The following OR4S2 variants were observed in gnomAD, a reference collection of about 807,000 sequenced individuals.
The protein encoded by OR4S2 is olfactory receptor family 4 subfamily S member 2.
Under a neutral mutation model 15.1 loss-of-function variants are expected in OR4S2, and 16 were observed. The observed-to-expected ratio is 1.06, with a 90% CI of 0.72 to 1.61. OR4S2 has a LOEUF of 1.61. OR4S2 is among the 40% of genes most tolerant of loss of function. OR4S2 has a pLI of 0.00. For synonymous variants in OR4S2, 133 were observed against 136.3 expected (o/e 0.98, Z 0.17); for missense variants, 362 against 379.6 (o/e 0.95, Z 0.38).
In OR4S2 at chr11:55,650,473, A is replaced by G. The variant is rs943853239; in HGVS notation, c.-36-395A>G. On this transcript the variant is annotated intron_variant, in intron 1 of 1. Coordinates refer to ENST00000641692, the MANE Select transcript of OR4S2 (RefSeq NM_001004059.3). ...CTTATGGGTCAAAAATAAAGCAATC[A>G]TTTCCAGATATTTGCCAGTAGATAA... Among the ~76,000 whole-genome samples, 21 of 139,200 alleles carry G rather than the reference A, an allele frequency of 1.5e-4. 3 individuals carry two copies. Among genetic ancestry groups the G allele is most frequent in the Admixed American group, 1.4e-3 (18 of 12,800 alleles). The allele number at this position is 139,200 out of a possible 152,430, so 91.3% of individuals were successfully genotyped here. A position where few individuals can be genotyped will look rare whatever the true frequency, so the allele number is the denominator to read the frequency against.
At position 55,651,093 on chromosome 11, in the gene OR4S2, T is replaced by C; in HGVS notation, c.190T>C (p.Leu64=). The C allele has an allele frequency of 6.7e-7, 1 of 1,484,246 alleles. No homozygotes were observed. The highest frequency in any genetic ancestry group is 9.2e-7 in the Non-Finnish European group (1 of 1,089,466). 91.9% of individuals were successfully genotyped at this position (1,484,246 alleles called of 1,614,324 possible). A position where few individuals can be genotyped will look rare whatever the true frequency, so the allele number is the denominator to read the frequency against. ...ACCCATGTATTTCTTTCTCAGCTTC[T>C]TGTCTTTTGTGGACATTTGTTACTC... The part of the protein sequence containing the change: ...KSPMYFFLSF[L]SFVDICYSSV... The change falls in exon 2 of 2, where the codon TTG becomes CTG. Residue 64 remains leucine (L), a synonymous_variant. Coordinates refer to ENST00000641692, the MANE Select transcript of OR4S2 (RefSeq NM_001004059.3).
rs192201024 is a variant in OR4S2 at position 55,651,977 on chromosome 11, A to G, written c.*138A>G. On this transcript the variant is annotated 3_prime_UTR_variant, in exon 2 of 2. Coordinates refer to ENST00000641692, the MANE Select transcript of OR4S2 (RefSeq NM_001004059.3). Reference sequence around the variant, plus strand: ...AATAACACATTCAAAAGAGTAAGGTATTATTTTTCATTATTATAGCATTTT... The same window carrying G: ...AATAACACATTCAAAAGAGTAAGGTGTTATTTTTCATTATTATAGCATTTT... The G allele has an allele frequency of 1.5e-4, 66 of 428,250 alleles. 16 individuals are homozygous for G. In the Admixed American group the frequency reaches 2.4e-3, roughly 16 times the overall value. 26.5% of individuals were successfully genotyped at this position (428,250 alleles called of 1,614,324 possible).
chr11:55,651,811 A>T lies in OR4S2; in HGVS notation c.908A>T (p.Asn303Ile), dbSNP rs758122964. The part of the protein sequence containing the change: ...KNAMKKLWGR[N>I]VFLEAKGK Reference sequence around the variant, plus strand: ...GCAATGAAGAAACTGTGGGGCAGAAATGTTTTCTTGGAGGCTAAAGGGAAA... The same window carrying T: ...GCAATGAAGAAACTGTGGGGCAGAATTGTTTTCTTGGAGGCTAAAGGGAAA... Residue 303 changes from asparagine to isoleucine, a missense_variant, in exon 2 of 2, where the codon AAT becomes ATT. Transcript: ENST00000641692. 8.3e-6 allele frequency: 12 copies of T among 1,439,370 alleles called. 5 individuals carry two copies. The Admixed American group carries it at 8.4e-5, about 10-fold the overall frequency. 89.2% of individuals were successfully genotyped at this position (1,439,370 alleles called of 1,614,324 possible). A position where few individuals can be genotyped will look rare whatever the true frequency, so the allele number is the denominator to read the frequency against.
In OR4S2 at chr11:55,651,345, G is replaced by A. The variant is rs1216280758; in HGVS notation, c.442G>A (p.Val148Ile). The change falls in exon 2 of 2, where the codon GTA becomes ATA. Residue 148 changes from valine to isoleucine, a missense_variant. By Grantham distance (29) the Val-to-Ile change is conservative (BLOSUM62 3). Transcript: ENST00000641692. The part of the protein sequence containing the change: ...TCNKMLLGTW[V>I]GGFLHSIIQV... The stretch of plus-strand genomic sequence containing the variant: ...CAATAAAATGTTATTAGGGACGTGG[G>A]TAGGTGGGTTCTTACACTCCATTAT... 8.1e-6 allele frequency: 12 copies of A among 1,482,626 alleles called. 2 individuals are homozygous for A. Among genetic ancestry groups the A allele is most frequent in the Non-Finnish European group, 9.2e-6 (10 of 1,088,182 alleles). 91.8% of individuals were successfully genotyped at this position (1,482,626 alleles called of 1,614,324 possible). A position where few individuals can be genotyped will look rare whatever the true frequency, so the allele number is the denominator to read the frequency against.
In OR4S2 at chr11:55,649,096, T is replaced by C. The variant is rs1386042983; in HGVS notation, c.-37+546T>C. 1.4e-5 allele frequency among the ~76,000 whole-genome samples: 2 copies of C among 138,150 alleles called. 1 individual carries two copies. The highest frequency in any genetic ancestry group is 4.8e-4 in the East Asian group (2 of 4,208). The allele number at this position is 138,150 out of a possible 152,430, so 90.6% of individuals were successfully genotyped here. On this transcript the variant is annotated intron_variant, in intron 1 of 1. Coordinates refer to ENST00000641692, the MANE Select transcript of OR4S2 (RefSeq NM_001004059.3). ...TTGTGTGCAAAAGCCCAGTTTCTTC[T>C]AGATGAGAGCAAAGCAACATAAATA...
In OR4S2 at chr11:55,648,823, A is replaced by G. The variant is rs1858529565; in HGVS notation, c.-37+273A>G. Among the ~76,000 whole-genome samples the G allele has an allele frequency of 1.5e-5, 2 of 137,580 alleles. 1 individual carries two copies. Among genetic ancestry groups the G allele is most frequent in the Admixed American group, 1.6e-4 (2 of 12,530 alleles). 90.3% of individuals were successfully genotyped at this position (137,580 alleles called of 152,430 possible). ...ACATGCCCAGATAAAGGAGGAAGGC[A>G]TCCTTGTGATGGATATTGGCTTAAG... On this transcript the variant is annotated intron_variant, in intron 1 of 1. Transcript: ENST00000641692.
At position 55,651,736 on chromosome 11, in the gene OR4S2, C is replaced by A; in HGVS notation, c.833C>A (p.Pro278His). ...MVAVFYTIIT[P>H]MLNPLIYTLR... is the part of the protein sequence containing the mutation. ...GCTGTATTTTACACCATTATCACTCCCATGTTAAATCCTCTGATTTATACA... is the reference window on the plus strand; with the variant it reads ...GCTGTATTTTACACCATTATCACTCACATGTTAAATCCTCTGATTTATACA... The change falls in exon 2 of 2, where the codon CCC becomes CAC. Residue 278 changes from proline to histidine, a missense_variant. Physicochemically the swap from Pro to His is moderately conservative, Grantham distance 77. Transcript: ENST00000641692. 1 of 1,453,432 alleles carries A rather than the reference C, an allele frequency of 6.9e-7. No homozygotes were observed. Among genetic ancestry groups the A allele is most frequent in the South Asian group, 1.2e-5 (1 of 84,120 alleles). 90.0% of individuals were successfully genotyped at this position (1,453,432 alleles called of 1,614,324 possible). A position where few individuals can be genotyped will look rare whatever the true frequency, so the allele number is the denominator to read the frequency against.
At chr11:55,650,460 A>G in intron 1 of OR4S2, among the ~76,000 whole-genome samples, 1 of 139,270 alleles carries the variant, frequency 7.2e-6, no homozygotes, top group African/African-American at 2.5e-5. Context: ...TATGGGTCAA[A>G]AATAAAGCAA....
chr11:55,651,997 C>A lies in OR4S2; in HGVS notation c.*158C>A. ...AAGGTATTATTTTTCATTATTATAGCATTTTTATACTATTTCATAATTAGA... is the reference window on the plus strand; with the variant it reads ...AAGGTATTATTTTTCATTATTATAGAATTTTTATACTATTTCATAATTAGA... On this transcript the variant is annotated 3_prime_UTR_variant, in exon 2 of 2. Coordinates refer to ENST00000641692, the MANE Select transcript of OR4S2 (RefSeq NM_001004059.3). 1 of 388,086 alleles carries A rather than the reference C, an allele frequency of 2.6e-6. No homozygotes were observed. Among genetic ancestry groups the A allele is most frequent in the Non-Finnish European group, 4.6e-6 (1 of 219,256 alleles). 24.0% of individuals were successfully genotyped at this position (388,086 alleles called of 1,614,324 possible).
In OR4S2 at chr11:55,651,016, T is replaced by A. The variant is rs758746563; in HGVS notation, c.113T>A (p.Leu38Gln). 1 of 1,462,388 alleles carries A rather than the reference T, an allele frequency of 6.8e-7. No individual in the cohort carries two copies. Among genetic ancestry groups the A allele is most frequent in the South Asian group, 1.2e-5 (1 of 84,296 alleles). The allele number at this position is 1,462,388 out of a possible 1,614,324, so 90.6% of individuals were successfully genotyped here. A position where few individuals can be genotyped will look rare whatever the true frequency, so the allele number is the denominator to read the frequency against. Residue 38 changes from leucine (L) to glutamine (Q), a missense_variant, in exon 2 of 2, where the codon CTG becomes CAG. By Grantham distance (113) the Leu-to-Gln change is moderately radical (BLOSUM62 -2). Coordinates refer to ENST00000641692, the MANE Select transcript of OR4S2 (RefSeq NM_001004059.3). ...TCTTTCTTCTACATAATCATTCTTC[T>A]GGGAAATCTCCTCATCATGCTGACA... ...VFSFFYIIIL[L>Q]GNLLIMLTVC...
chr11:55,649,314 A>T (rs1484368844), intron 1 of OR4S2, among the ~76,000 whole-genome samples: 2 of 138,604 alleles, frequency 1.4e-5, no homozygotes, highest in African/African-American at 2.5e-5. Context: ...AATGCACAAG[A>T]GATAGCACAC....
chr11:55,650,901 T>G lies in OR4S2; in HGVS notation c.-3T>G. ...ATTGTCTCCTAAGAACTTGACCCATTCCATGGAAAAAATAAACAACGTAAC... is the reference window on the plus strand; with the variant it reads ...ATTGTCTCCTAAGAACTTGACCCATGCCATGGAAAAAATAAACAACGTAAC... On this transcript the variant is annotated 5_prime_UTR_variant, in exon 2 of 2. The change creates a new upstream start codon in the 5' untranslated region. Coordinates refer to ENST00000641692, the MANE Select transcript of OR4S2 (RefSeq NM_001004059.3). 2 of 1,292,784 alleles carry G rather than the reference T, an allele frequency of 1.5e-6. No individual in the cohort carries two copies. Among genetic ancestry groups the G allele is most frequent in the Non-Finnish European group, 2.2e-6 (2 of 924,940 alleles). The allele number at this position is 1,292,784 out of a possible 1,614,324, so 80.1% of individuals were successfully genotyped here. A position where few individuals can be genotyped will look rare whatever the true frequency, so the allele number is the denominator to read the frequency against.
intron 1 of OR4S2, among the ~76,000 whole-genome samples, chr11:55,650,573 A>G (rs1164346357): frequency 2.9e-5 from 4 of 139,010 alleles, no homozygotes; most frequent in African/African-American, 1.0e-4. Flanking sequence ...AAAACTAAAT[A>G]AAGTTTAGAA....
chr11:55,651,233 C>G lies in OR4S2; in HGVS notation c.330C>G (p.Ile110Met). 1 of 1,472,994 alleles carries G rather than the reference C, an allele frequency of 6.8e-7. No homozygotes were observed. The highest frequency in any genetic ancestry group is 9.3e-7 in the Non-Finnish European group (1 of 1,079,282). 91.2% of individuals were successfully genotyped at this position (1,472,994 alleles called of 1,614,324 possible). ...TACATTTCTTTGGTTGCACTGAGAT[C>G]TTCATCCTTACTGTAATGGCCTATG... The part of the protein sequence containing the change: ...FGVHFFGCTE[I>M]FILTVMAYDR... Residue 110 changes from isoleucine (I) to methionine (M), a missense_variant, in exon 2 of 2, where the codon ATC (isoleucine) becomes ATG (methionine). Ile to Met is a conservative substitution (Grantham distance 10). Coordinates refer to ENST00000641692, the MANE Select transcript of OR4S2 (RefSeq NM_001004059.3).
In OR4S2 at chr11:55,651,073, T is replaced by G. The variant is rs748492544; in HGVS notation, c.170T>G (p.Met57Arg). 3.4e-6 allele frequency: 5 copies of G among 1,484,196 alleles called. No homozygotes were observed. The highest frequency in any genetic ancestry group is 4.6e-6 in the Non-Finnish European group (5 of 1,089,538). The allele number at this position is 1,484,196 out of a possible 1,614,324, so 91.9% of individuals were successfully genotyped here. Reference protein sequence around the residue: ...VCLSNLFKSPMYFFLSFLSFV... With the variant: ...VCLSNLFKSPRYFFLSFLSFV... ...CTGAGCAACCTGTTTAAGTCACCCA[T>G]GTATTTCTTTCTCAGCTTCTTGTCT... The change falls in exon 2 of 2, where the codon ATG (methionine) becomes AGG (arginine). Residue 57 changes from methionine (M) to arginine (R), a missense_variant. Coordinates refer to ENST00000641692, the MANE Select transcript of OR4S2 (RefSeq NM_001004059.3).
intron 1 of OR4S2, among the ~76,000 whole-genome samples, chr11:55,649,985 C>T (rs1368722706): frequency 7.2e-6 from 1 of 138,808 alleles, no homozygotes; most frequent in Non-Finnish European, 1.6e-5. Context: ...ACAGGTCTTG[C>T]TTTGTCTCTA....
At chr11:55,649,741 C>G (rs1858540471) in intron 1 of OR4S2, among the ~76,000 whole-genome samples, 1 of 138,258 alleles carries the variant, frequency 7.2e-6, no homozygotes, top group Admixed American at 7.9e-5. Flanking sequence ...ATAAATCGAC[C>G]AAATTGGGAG....
rs377016960 is a variant in OR4S2 at position 55,651,149 on chromosome 11, C to A, written c.246C>A (p.Asp82Glu). The A allele has an allele frequency of 2.0e-6, 3 of 1,477,880 alleles. 1 individual carries two copies. The African/African-American group carries it at 4.1e-5, about 20-fold the overall frequency. The allele number at this position is 1,477,880 out of a possible 1,614,324, so 91.5% of individuals were successfully genotyped here. The part of the protein sequence containing the change: ...SSVTAPKMIV[D>E]LLAKDKTISY... ...TCACAGCTCCCAAGATGATTGTTGACCTGTTAGCAAAGGACAAAACCATCT... is the reference window on the plus strand; with the variant it reads ...TCACAGCTCCCAAGATGATTGTTGAACTGTTAGCAAAGGACAAAACCATCT... The change falls in exon 2 of 2, where the codon GAC becomes GAA. Residue 82 changes from aspartate (D) to glutamate (E), a missense_variant. Transcript: ENST00000641692.
At position 55,651,939 on chromosome 11, in the gene OR4S2, G is replaced by A; in HGVS notation, c.*100G>A. ...ATAACAACCTCATGGGATTTGGAGT[G>A]GAAAAATGAGACAATAACACATTCA... On this transcript the variant is annotated 3_prime_UTR_variant, in exon 2 of 2. Coordinates refer to ENST00000641692, the MANE Select transcript of OR4S2 (RefSeq NM_001004059.3). The A allele has an allele frequency of 1.8e-6, 1 of 556,142 alleles. No homozygotes were observed. Among genetic ancestry groups the A allele is most frequent in the Non-Finnish European group, 3.1e-6 (1 of 319,778 alleles). 34.5% of individuals were successfully genotyped at this position (556,142 alleles called of 1,614,324 possible). A position where few individuals can be genotyped will look rare whatever the true frequency, so the allele number is the denominator to read the frequency against.
Sources: allele counts gnomAD v4.1 joint callset (sites outside exome capture counted in the v4.1 genomes callset), GRCh38; gene constraint gnomAD v4.1.1; transcripts MANE v1.5; gene names NCBI Gene and HGNC (gene_info 2026-07-23, HGNC 2026-07-21).